Variants in ETHE1 observed in about 807,000 individuals in gnomAD.
ETHE1 encodes persulfide dioxygenase ETHE1, mitochondrial.
ETHE1 carries 16 observed loss-of-function variants against 25.7 expected under a neutral mutation model. That is an observed-to-expected ratio of 0.62 (90% CI 0.42 to 0.95). The LOEUF (loss-of-function observed/expected upper bound fraction) is 0.95, where lower values mean the gene tolerates loss of function less well. Among genes scored for constraint, ETHE1 ranks in the 40% least tolerant of loss-of-function variants. ETHE1 has a pLI of 0.00. For synonymous variants in ETHE1, 139 were observed against 135.9 expected (o/e 1.02, Z -0.16); for missense variants, 300 against 333.6 (o/e 0.90, Z 0.79).
In ETHE1 at chr19:43,507,948, C is replaced by G; in HGVS notation, c.708G>C (p.Gln236His). Residue 236 changes from glutamine (Q) to histidine (H), a missense_variant, in exon 6 of 7, where the codon CAG becomes CAC. By Grantham distance (24) the Gln-to-His change is conservative. Coordinates refer to ENST00000292147, the MANE Select transcript of ETHE1 (RefSeq NM_014297.5). ...TCCAGGTCCCCAGCTGCTCACCTATCTGCTGAGGTTTAGGCAAGTTCAGGT... is the reference window on the plus strand; with the variant it reads ...TCCAGGTCCCCAGCTGCTCACCTATGTGCTGAGGTTTAGGCAAGTTCAGGT... The part of the protein sequence containing the change: ...MGNLNLPKPQ[Q>H]IDFAVPANMR... 6.2e-7 allele frequency: 1 copy of G among 1,613,884 alleles called. No individual in the cohort carries two copies. The highest frequency in any genetic ancestry group is 8.5e-7 in the Non-Finnish European group (1 of 1,179,962).
intron 3 of ETHE1, among the ~76,000 whole-genome samples, chr19:43,524,508 A>G (rs549155670): frequency 6.6e-6 from 1 of 152,212 alleles, no homozygotes; most frequent in East Asian, 1.9e-4. Context: ...AATTAATGGT[A>G]GTAATGGATG....
Position 43,525,944 on chromosome 19 carries a change from C to G in ETHE1, c.375+257G>C, listed in dbSNP as rs116311391. ...GCCAGGCCAAAGGGCTGCCCCTAAG[C>G]TTTAGGAAGGAAACTCCTTAAATGC... On this transcript the variant is annotated intron_variant, in intron 3 of 6. Transcript: ENST00000292147. 4.8e-3 allele frequency: 2,710 copies of G among 566,054 alleles called. 53 individuals carry two copies. Among genetic ancestry groups the G allele is most frequent in the African/African-American group, 0.043 (2,303 of 53,356 alleles). The allele number at this position is 566,054 out of a possible 1,614,324, so 35.1% of individuals were successfully genotyped here. A position where few individuals can be genotyped will look rare whatever the true frequency, so the allele number is the denominator to read the frequency against.
At chr19:43,520,511 G>C (rs1972118620) in intron 3 of ETHE1, among the ~76,000 whole-genome samples, 1 of 152,048 alleles carries the variant, frequency 6.6e-6, no homozygotes, top group South Asian at 2.1e-4. Flanking sequence ...GGCCAGCCTG[G>C]GCAATGTGGC....
chr19:43,508,871 A>G lies in ETHE1; in HGVS notation c.506-7T>C, dbSNP rs1325532386. 6.3e-7 allele frequency: 1 copy of G among 1,599,610 alleles called. No individual in the cohort carries two copies. Among genetic ancestry groups the G allele is most frequent in the East Asian group, 2.2e-5 (1 of 44,690 alleles). ...TACAAGGTCTTGGCACAGCCTGGGG[A>G]AGGAAAGATCAGAGGTCAGTGGATC... On this transcript the variant is annotated splice_region_variant and splice_polypyrimidine_tract_variant and intron_variant, in intron 4 of 6. Transcript: ENST00000292147.
chr19:43,516,393 G>C (rs201338899), intron 3 of ETHE1, among the ~76,000 whole-genome samples: 1 of 151,608 alleles, frequency 6.6e-6, no homozygotes, highest in Non-Finnish European at 1.5e-5. Flanking sequence ...TCCGCCTCCC[G>C]GGTTCAAGCG....
rs1461915269 is a variant in ETHE1 at position 43,526,545 on chromosome 19, T to G, written c.196A>C (p.Lys66Gln). 3.7e-6 allele frequency: 6 copies of G among 1,613,828 alleles called. No individual in the cohort carries two copies. Among genetic ancestry groups the G allele is most frequent in the Non-Finnish European group, 5.1e-6 (6 of 1,179,902 alleles). ...TAGAGCAGCCGCAGCCCCAGCTCCT[T>G]GATCAGCTGGGCATCCCGAGGCGCT... is the stretch of plus-strand genomic sequence containing the variant. ...ETAPRDAQLI[K>Q]ELGLRLLYAV... is the part of the protein sequence containing the mutation. The change falls in exon 2 of 7, where the codon AAG becomes CAG. Residue 66 changes from lysine to glutamine, a missense_variant. Lys to Gln is a moderately conservative substitution (Grantham distance 53). Coordinates refer to ENST00000292147, the MANE Select transcript of ETHE1 (RefSeq NM_014297.5).
intron 3 of ETHE1, among the ~76,000 whole-genome samples, chr19:43,513,064 T>A (rs118003744): frequency 0.016 from 2,436 of 152,280 alleles, 38 homozygotes; most frequent in Non-Finnish European, 0.022. Flanking sequence ...GGCTTACACG[T>A]GGTGCTGGGC....
At chr19:43,508,975 C>T (rs948611197) in intron 4 of ETHE1, 111 bp from the exon 5 acceptor site, 15 of 820,608 alleles carry the variant, frequency 1.8e-5, no homozygotes, top group African/African-American at 1.7e-4. Context: ...CCCTCTCCTT[C>T]GTGTCCTGCC....
intron 3 of ETHE1, among the ~76,000 whole-genome samples, chr19:43,523,266 T>TTTTG (rs781593445): frequency 6.0e-4 from 91 of 152,036 alleles, no homozygotes; most frequent in African/African-American, 1.6e-3. Context: ...AACAACTCGG[T>TTTTG]TTTGTTTGTT....
chr19:43,509,501 A>G (rs1971864598), intron 4 of ETHE1, among the ~76,000 whole-genome samples: 1 of 35,910 alleles, frequency 2.8e-5, no homozygotes, highest in Non-Finnish European at 5.4e-5. Context: ...TGTCTCAAGA[A>G]AAAAAAAAAA....
intron 1 of ETHE1, 68 bp from the exon 2 acceptor site, chr19:43,526,727 G>C: frequency 6.2e-7 from 1 of 1,609,072 alleles, no homozygotes; most frequent in Non-Finnish European, 8.5e-7. Context: ...AAGTAGTCCA[G>C]ACTGACCCTA....
chr19:43,513,549 C>T (rs992137326), intron 3 of ETHE1, among the ~76,000 whole-genome samples: 48 of 152,324 alleles, frequency 3.2e-4, no homozygotes, highest in African/African-American at 1.1e-3. Context: ...TTAGGACTTG[C>T]ACGGAGCCTG....
At position 43,526,222 on chromosome 19, in the gene ETHE1, G is replaced by A. The variant is rs148850633; in HGVS notation, c.354C>T (p.Asp118=). 1.2e-6 allele frequency: 2 copies of A among 1,614,168 alleles called. No individual in the cohort carries two copies. Among genetic ancestry groups the A allele is most frequent in the Non-Finnish European group, 1.7e-6 (2 of 1,180,026 alleles). ...TCACGAAGCGCCCGAAGCGGATGGA[G>A]TCTCCATCCTCAATGTGTAAGTCAG... ...AQADLHIEDG[D]SIRFGRFALE... is the part of the protein sequence containing the mutation. The change falls in exon 3 of 7, where the codon GAC becomes GAT. Residue 118 remains aspartate (D), a synonymous_variant. Transcript: ENST00000292147.
rs554140985 is a variant in ETHE1, at chr19:43,515,049, T to C, written c.376-3483A>G. Among the ~76,000 whole-genome samples the C allele has an allele frequency of 3.9e-5, 6 of 152,228 alleles. No homozygotes were observed. In the East Asian group the frequency reaches 1.2e-3, roughly 29 times the overall value. On this transcript the variant is annotated intron_variant, in intron 3 of 6. Transcript: ENST00000292147. The stretch of plus-strand genomic sequence containing the variant: ...AAAGGTAAGCACACTAATATAAAAA[T>C]GGAATACCCAACAGTCATTAAAAGC...
intron 3 of ETHE1, among the ~76,000 whole-genome samples, chr19:43,514,576 C>T (rs1338799009): frequency 6.6e-6 from 1 of 150,416 alleles, no homozygotes; most frequent in African/African-American, 2.5e-5. Context: ...ACCTCTGCCT[C>T]CCCAGTTCAA....
intron 5 of ETHE1, 31 bp downstream of exon 5, chr19:43,508,744 A>G: frequency 1.3e-6 from 2 of 1,508,090 alleles, no homozygotes; most frequent in Non-Finnish European, 9.1e-7. Flanking sequence ...AAAGTTATGT[A>G]CGCCCCACAC....
At chr19:43,525,992 G>C in intron 3 of ETHE1, 1 of 650,496 alleles carries the variant, frequency 1.5e-6, no homozygotes, top group East Asian at 2.7e-5. Flanking sequence ...AGTTCCGCCA[G>C]TGCCCCACCT....
intron 3 of ETHE1, among the ~76,000 whole-genome samples, chr19:43,520,331 C>T (rs570045581): frequency 7.9e-5 from 12 of 152,222 alleles, no homozygotes; most frequent in African/African-American, 2.6e-4. Context: ...CACTGTACGC[C>T]AGCCTGGGCA....
chr19:43,510,335 CT>C (rs11330382), intron 4 of ETHE1, among the ~76,000 whole-genome samples: 24,922 of 133,004 alleles, frequency 0.19, 1,531 homozygotes, highest in Non-Finnish European at 0.21. Context: ...CTTTTTTTAT[CT>C]TTTTTTTTTT....
Sources: gnomAD v4.1 joint callset for allele counts (sites outside exome capture counted in the v4.1 genomes callset) on GRCh38, gnomAD v4.1.1 for gene constraint, MANE v1.5 for transcripts, NCBI Gene and HGNC (gene_info 2026-07-23, HGNC 2026-07-21) for gene names.